The following KALRN variants were observed in gnomAD, a reference collection of about 807,000 sequenced individuals.
KALRN encodes kalirin.
Under a neutral mutation model 353.7 loss-of-function variants are expected in KALRN, and 70 were observed. That is an observed-to-expected ratio of 0.20 (90% CI 0.16 to 0.24). The LOEUF is 0.24. Among genes scored for constraint, KALRN ranks in the 10% least tolerant of loss-of-function variants. The pLI is 1.00. For missense variants in KALRN, 2,791 were observed against 3,756.7 expected (o/e 0.74, Z 6.72); for synonymous variants, 1,391 against 1,434.8 (o/e 0.97, Z 0.69).
At chr3:124,102,283 A>G (rs1356573029) in intron 1 of KALRN, among the ~76,000 whole-genome samples, 2 of 152,302 alleles carry the variant, frequency 1.3e-5, no homozygotes, top group East Asian at 3.9e-4. Flanking sequence ...CCATCACAGA[A>G]CAATTCCCTG....
At chr3:124,418,629 T>C (rs1002328487) in intron 14 of KALRN, among the ~76,000 whole-genome samples, 1 of 152,230 alleles carries the variant, frequency 6.6e-6, no homozygotes, top group East Asian at 1.9e-4. Flanking sequence ...TAAATCTTAC[T>C]CTAGACCACA....
chr3:124,075,242 A>G (rs113649479), intron 1 of KALRN, among the ~76,000 whole-genome samples: 113 of 152,232 alleles, frequency 7.4e-4, no homozygotes, highest in African/African-American at 2.6e-3. Context: ...CCTCGCCACA[A>G]TTTCACCCTT....
Position 124,699,853 on chromosome 3 carries a change from G to A in KALRN, c.7832-16G>A. The A allele has an allele frequency of 6.2e-7, 1 of 1,613,428 alleles. No homozygotes were observed. The highest frequency in any genetic ancestry group is 8.5e-7 in the Non-Finnish European group (1 of 1,179,694). The stretch of plus-strand genomic sequence containing the variant: ...TTGGCTTTTCTCTTTCCCTCTCCTG[G>A]GAAACTGTACACTAGGTTCTCAGAT... On this transcript the variant is annotated splice_polypyrimidine_tract_variant and intron_variant, in intron 55 of 59. Transcript: ENST00000682506.
chr3:124,700,111 G>T lies in KALRN; in HGVS notation c.7996+78G>T, dbSNP rs550890687. 62 of 1,424,718 alleles carry T rather than the reference G, an allele frequency of 4.4e-5. No homozygotes were observed. The African/African-American group carries it at 7.9e-4, about 18-fold the overall frequency. The allele number at this position is 1,424,718 out of a possible 1,614,324, so 88.3% of individuals were successfully genotyped here. ...CTGCCTGTCACAGACTCCTGGGCACGTTGACATGTCAGGCCACCATGCAAG... is the reference window on the plus strand; with the variant it reads ...CTGCCTGTCACAGACTCCTGGGCACTTTGACATGTCAGGCCACCATGCAAG... On this transcript the variant is annotated intron_variant, in intron 56 of 59. Transcript: ENST00000682506.
intron 33 of KALRN, among the ~76,000 whole-genome samples, chr3:124,534,752 GAAGT>G (rs2068367558): frequency 1.3e-5 from 2 of 151,060 alleles, no homozygotes; most frequent in African/African-American, 4.9e-5. Context: ...GCAAGATAGA[GAAGT>G]AAGAACCAGA....
chr3:124,086,014 G>A (rs34950510), intron 1 of KALRN, among the ~76,000 whole-genome samples: 1,802 of 152,212 alleles, frequency 0.012, 14 homozygotes, highest in Middle Eastern at 0.048. Context: ...ACCCTTTCAT[G>A]TTACTACATA....
intron 15 of KALRN, among the ~76,000 whole-genome samples, chr3:124,423,866 G>C (rs1262664388): frequency 6.6e-6 from 1 of 152,130 alleles, no homozygotes; most frequent in Non-Finnish European, 1.5e-5. Flanking sequence ...GCAAGACCCT[G>C]TTTCCAAAAA....
intron 33 of KALRN, among the ~76,000 whole-genome samples, chr3:124,555,372 C>T (rs2071099756): frequency 6.6e-6 from 1 of 151,752 alleles, no homozygotes; most frequent in Non-Finnish European, 1.5e-5. Context: ...GGAGATCGCA[C>T]CACTGCACTC....
intron 1 of KALRN, among the ~76,000 whole-genome samples, chr3:124,093,866 A>G (rs1457849566): frequency 6.6e-6 from 1 of 152,144 alleles, no homozygotes; most frequent in Non-Finnish European, 1.5e-5. Flanking sequence ...TTTGGCCATG[A>G]TGAGGTGGAG....
chr3:124,439,045 C>T lies in KALRN; in HGVS notation c.3198+8C>T. 1 of 1,613,472 alleles carries T rather than the reference C, an allele frequency of 6.2e-7. No homozygotes were observed. The highest frequency in any genetic ancestry group is 2.2e-5 in the East Asian group (1 of 44,822). On this transcript the variant is annotated splice_region_variant and intron_variant, in intron 18 of 59. Transcript: ENST00000682506. ...AAGGAGGCCTTTCTTAAGGTCAGAG[C>T]ACATTGTCATGCAAGGGCTCAGACT...
At chr3:124,249,331 A>G (rs898858300) in intron 3 of KALRN, among the ~76,000 whole-genome samples, 2 of 152,228 alleles carry the variant, frequency 1.3e-5, no homozygotes, top group African/African-American at 4.8e-5. Flanking sequence ...CAGCAGCCAC[A>G]CAAGCATGTC....
rs182440091 is a variant in KALRN at position 124,717,989 on chromosome 3, T to C, written c.8415+604T>C. On this transcript the variant is annotated intron_variant, in intron 59 of 59. Coordinates refer to ENST00000682506, the MANE Select transcript of KALRN (RefSeq NM_001388419.1). ...ACCATGCCCAGCTAATTTTTGTATTTTTAGTAGAGACAGGGTTTCATCATG... is the reference window on the plus strand; with the variant it reads ...ACCATGCCCAGCTAATTTTTGTATTCTTAGTAGAGACAGGGTTTCATCATG... Among the ~76,000 whole-genome samples the C allele has an allele frequency of 4.2e-3, 640 of 151,560 alleles. 2 individuals are homozygous for C. Among genetic ancestry groups the C allele is most frequent in the African/African-American group, 0.015 (628 of 41,322 alleles).
chr3:124,698,110 A>G (rs186405233), intron 55 of KALRN, among the ~76,000 whole-genome samples: 1 of 152,210 alleles, frequency 6.6e-6, no homozygotes, highest in East Asian at 1.9e-4. Flanking sequence ...GCTGGGACTA[A>G]AGCGCACACC....
At chr3:124,653,812 A>G (rs552797028) in intron 38 of KALRN, among the ~76,000 whole-genome samples, 34 of 152,364 alleles carry the variant, frequency 2.2e-4, no homozygotes, top group African/African-American at 7.0e-4. Flanking sequence ...AGAACTTATC[A>G]TGAAAAACAT....
intron 34 of KALRN, among the ~76,000 whole-genome samples, chr3:124,585,652 A>G (rs2149304034): frequency 6.6e-6 from 1 of 152,340 alleles, no homozygotes; most frequent in East Asian, 1.9e-4. Context: ...TCTGAAAAAA[A>G]AAATCAGAAC....
intron 13 of KALRN, 56 bp downstream of exon 13, chr3:124,398,927 A>G (rs977350750): frequency 6.5e-7 from 1 of 1,534,394 alleles, no homozygotes. Context: ...TTCCTGGCCA[A>G]GGGCACTGCC....
intron 34 of KALRN, chr3:124,584,636 C>T: frequency 7.1e-7 from 1 of 1,411,076 alleles, no homozygotes; most frequent in Non-Finnish European, 9.2e-7. Context: ...CCGCCTGGCC[C>T]CTCCCCGCTT....
At chr3:124,551,457 G>A (rs991150177) in intron 33 of KALRN, among the ~76,000 whole-genome samples, 1 of 152,218 alleles carries the variant, frequency 6.6e-6, no homozygotes, top group Non-Finnish European at 1.5e-5. Flanking sequence ...CTGGATCTGG[G>A]GTGGTGCCAG....
chr3:124,584,616 C>A (rs756978779), intron 34 of KALRN: 70 of 1,403,700 alleles, frequency 5.0e-5, no homozygotes, highest in Non-Finnish European at 6.3e-5. Flanking sequence ...GCCCCTTAGG[C>A]CCTCCCTCCC....
Sources: allele counts gnomAD v4.1 joint callset (sites outside exome capture counted in the v4.1 genomes callset), GRCh38; gene constraint gnomAD v4.1.1; transcripts MANE v1.5; gene names NCBI Gene and HGNC (gene_info 2026-07-23, HGNC 2026-07-21).